Variants in UNC13C observed in about 807,000 individuals in gnomAD.
The protein encoded by UNC13C is protein unc-13 homolog C.
UNC13C carries 174 observed loss-of-function variants against 245.4 expected under a neutral mutation model. The ratio of observed to expected loss-of-function variants is 0.71; its 90% CI spans 0.63 to 0.80. UNC13C has a LOEUF of 0.80. Among genes scored for constraint, UNC13C ranks in the 30% least tolerant of loss-of-function variants. The probability of loss-of-function intolerance (pLI) is 0.00; values close to 1 mark genes in which losing one functional copy is unlikely to be tolerated. For missense variants in UNC13C, 2,829 were observed against 2,602.9 expected (o/e 1.09, Z -1.89); for synonymous variants, 992 against 895.1 (o/e 1.11, Z -1.93).
intron 10 of UNC13C, among the ~76,000 whole-genome samples, chr15:54,282,819 G>A (rs573218754): frequency 6.6e-6 from 1 of 152,238 alleles, no homozygotes; most frequent in Non-Finnish European, 1.5e-5. Flanking sequence ...CAGCGGAGAG[G>A]GGAGCTAGAG....
chr15:54,059,649 A>G (rs915343962), intron 2 of UNC13C, among the ~76,000 whole-genome samples: 18 of 152,274 alleles, frequency 1.2e-4, no homozygotes, highest in African/African-American at 1.9e-4. Flanking sequence ...AAAAGAGCCC[A>G]CATTGCCAAG....
intron 2 of UNC13C, chr15:54,048,795 A>G (rs1897150395): frequency 4.0e-6 from 1 of 247,096 alleles, no homozygotes; most frequent in African/African-American, 2.3e-5. Flanking sequence ...AACTCTTGTT[A>G]TAGTTACCTG....
downstream of UNC13C, chr15:54,628,669 A>C (rs1308559498): frequency 6.6e-6 from 1 of 152,520 alleles, no homozygotes; most frequent in Non-Finnish European, 1.5e-5. Context: ...TTAGGAATAA[A>C]AACTCCAGGC....
chr15:54,364,694 A>T (rs902965870), intron 17 of UNC13C, among the ~76,000 whole-genome samples: 5 of 152,210 alleles, frequency 3.3e-5, no homozygotes, highest in Non-Finnish European at 7.3e-5. Context: ...AGTGCCCACT[A>T]GAAGTGTAAT....
At chr15:54,450,851 T>C (rs1465272186) in intron 19 of UNC13C, among the ~76,000 whole-genome samples, 2 of 152,214 alleles carry the variant, frequency 1.3e-5, no homozygotes, top group African/African-American at 4.8e-5. Context: ...ATCACCCATC[T>C]TCTGCATCGC....
At chr15:54,202,642 C>A (rs2034559271) in intron 4 of UNC13C, among the ~76,000 whole-genome samples, 1 of 152,024 alleles carries the variant, frequency 6.6e-6, no homozygotes, top group South Asian at 2.1e-4. Context: ...GGGTCCTTAT[C>A]TCTCACCCTA....
At chr15:54,339,033 AT>A (rs543570575) in intron 17 of UNC13C, among the ~76,000 whole-genome samples, 4 of 151,978 alleles carry the variant, frequency 2.6e-5, no homozygotes, top group Admixed American at 2.0e-4. Flanking sequence ...TTCCCAGCTA[AT>A]TTTTTTTATA....
intron 19 of UNC13C, among the ~76,000 whole-genome samples, chr15:54,463,682 C>G (rs1892006562): frequency 1.3e-5 from 2 of 152,148 alleles, no homozygotes; most frequent in African/African-American, 4.8e-5. Flanking sequence ...GGCACACCAT[C>G]TTTAAGAACT....
intron 1 of UNC13C, among the ~76,000 whole-genome samples, chr15:53,983,308 T>C (rs1566930531): frequency 6.6e-6 from 1 of 152,088 alleles, no homozygotes; most frequent in Non-Finnish European, 1.5e-5. Context: ...CCTCTCTGGA[T>C]TGGCACACTC....
At chr15:53,851,193 T>G in the UNC13C span, among the ~76,000 whole-genome samples, 1 of 152,266 alleles carries the variant, frequency 6.6e-6, no homozygotes, top group Middle Eastern at 3.4e-3. Context: ...TTTTTTCTGG[T>G]TATTGGTGAC....
In UNC13C at chr15:54,015,674, G is replaced by A. The variant is rs147997234; in HGVS notation, c.2771G>A (p.Gly924Asp). 3.0e-4 allele frequency: 492 copies of A among 1,613,704 alleles called. 1 individual carries two copies. Among genetic ancestry groups the A allele is most frequent in the Middle Eastern group, 1.8e-3 (11 of 6,058 alleles). Residue 924 changes from glycine to aspartate, a missense_variant, in exon 2 of 33, where the codon GGT becomes GAT. Coordinates refer to ENST00000260323, the MANE Select transcript of UNC13C (RefSeq NM_001080534.3). Reference sequence around the variant, plus strand: ...ACCCCACAAGATGAGGGTTATGATGGTCCAGCAGATGATATGGTTAGTGAA... The same window carrying A: ...ACCCCACAAGATGAGGGTTATGATGATCCAGCAGATGATATGGTTAGTGAA... ...YETPQDEGYD[G>D]PADDMVSEEG...
chr15:54,432,964 C>G (rs576160182), intron 19 of UNC13C, among the ~76,000 whole-genome samples: 2 of 152,206 alleles, frequency 1.3e-5, no homozygotes, highest in South Asian at 4.1e-4. Flanking sequence ...ATGCTATAAA[C>G]ACCTCTACAC....
intron 30 of UNC13C, among the ~76,000 whole-genome samples, chr15:54,608,796 C>T (rs899857605): frequency 6.6e-6 from 1 of 152,190 alleles, no homozygotes; most frequent in South Asian, 2.1e-4. Flanking sequence ...TCTCTTCTGA[C>T]AAATGTTATT....
At chr15:53,909,555 C>G in the UNC13C span, among the ~76,000 whole-genome samples, 2 of 146,046 alleles carry the variant, frequency 1.4e-5, 1 homozygote, top group Non-Finnish European at 3.1e-5. Flanking sequence ...AGATCGAGAG[C>G]ATCCTGGCCA....
intron 19 of UNC13C, among the ~76,000 whole-genome samples, chr15:54,458,680 C>CTTGTTTTTTTT (rs1891667291): frequency 1.5e-5 from 1 of 65,974 alleles, no homozygotes; most frequent in Non-Finnish European, 2.6e-5. Flanking sequence ...CCTTTAAGGT[C>CTTGTTTTTTTT]TTTTTTTTTT....
intron 2 of UNC13C, among the ~76,000 whole-genome samples, chr15:54,127,582 G>A (rs2115836): frequency 0.38 from 58,046 of 151,212 alleles, 11,306 homozygotes; most frequent in African/African-American, 0.42. Context: ...GGAAGGGATA[G>A]CATTAAGAGA....
chr15:53,898,964 C>T, the UNC13C span, among the ~76,000 whole-genome samples: 7 of 151,822 alleles, frequency 4.6e-5, no homozygotes, highest in South Asian at 1.5e-3. Context: ...CCCACCCCAT[C>T]CCCAACTGTC....
At chr15:54,432,532 A>C (rs2140976942) in intron 19 of UNC13C, among the ~76,000 whole-genome samples, 1 of 152,166 alleles carries the variant, frequency 6.6e-6, no homozygotes, top group East Asian at 1.9e-4. Context: ...GCAGAAATAA[A>C]TTATTTCTTT....
At chr15:54,587,565 T>A (rs1010054089) in intron 30 of UNC13C, among the ~76,000 whole-genome samples, 1 of 152,196 alleles carries the variant, frequency 6.6e-6, no homozygotes, top group South Asian at 2.1e-4. Context: ...GGGACCAGCC[T>A]TCAGGACCTC....
Sources: gnomAD v4.1 joint callset for allele counts (sites outside exome capture counted in the v4.1 genomes callset) on GRCh38, gnomAD v4.1.1 for gene constraint, MANE v1.5 for transcripts, NCBI Gene and HGNC (gene_info 2026-07-23, HGNC 2026-07-21) for gene names.